The following USP9X variants were observed in gnomAD, a reference collection of about 807,000 sequenced individuals.
USP9X encodes ubiquitin specific peptidase 9 X-linked.
In USP9X, 7 loss-of-function variants were observed where a neutral mutation model predicts 190.3. That is an observed-to-expected ratio of 0.04 (90% CI 0.02 to 0.07). USP9X has a LOEUF of 0.07. Ranked by LOEUF, USP9X falls within the 10% of genes least tolerant of loss-of-function variation. The pLI, the probability that USP9X is intolerant of heterozygous loss-of-function variation, is 1.00. For missense variants in USP9X, 1,010 were observed against 1,916.9 expected (o/e 0.53, Z 8.83); for synonymous variants, 645 against 659.5 (o/e 0.98, Z 0.34).
chrX:41,208,271 C>G (rs1009930677), intron 32 of USP9X, among the ~76,000 whole-genome samples: 3 of 112,093 alleles, frequency 2.7e-5, no homozygotes, highest in Non-Finnish European at 5.6e-5. Context: ...GTGATCCACC[C>G]GCCTCAGCCT....
Position 41,167,589 on chromosome X carries a change from T to C in USP9X, c.2424+12T>C. On this transcript the variant is annotated intron_variant, in intron 17 of 44. Coordinates refer to ENST00000378308, the MANE Select transcript of USP9X (RefSeq NM_001039591.3). ...TACAAGTCAATCAGGTGAGGATTGA[T>C]GTGCATTAAAACTTCCATATATAAT... 8.8e-7 allele frequency: 1 copy of C among 1,140,175 alleles called. No individual in the cohort carries two copies. The highest frequency in any genetic ancestry group is 1.2e-6 in the Non-Finnish European group (1 of 839,400). 94.0% of individuals were successfully genotyped at this position (1,140,175 alleles called of 1,213,427 possible). A position where few individuals can be genotyped will look rare whatever the true frequency, so the allele number is the denominator to read the frequency against.
intron 18 of USP9X, 71 bp from the exon 19 acceptor site, chrX:41,169,924 A>G: frequency 8.7e-7 from 1 of 1,155,202 alleles, no homozygotes; most frequent in Non-Finnish European, 1.2e-6. Flanking sequence ...AATCCCCAGC[A>G]TTATTTTCTT....
rs913590073 is a variant in USP9X at position 41,085,611 on chromosome X, G to A, written c.-657G>A. Reference sequence around the variant, plus strand: ...CTCCCGGGCCTCGCGGGAGCCCGCCGCCGCCGCCTCTCTCTCACGGGAGGC... The same window carrying A: ...CTCCCGGGCCTCGCGGGAGCCCGCCACCGCCGCCTCTCTCTCACGGGAGGC... On this transcript the variant is annotated 5_prime_UTR_variant, in exon 1 of 45. Transcript: ENST00000378308. 2.1e-5 allele frequency: 6 copies of A among 282,138 alleles called. No individual in the cohort carries two copies. 23.3% of individuals were successfully genotyped at this position (282,138 alleles called of 1,213,427 possible).
intron 1 of USP9X, among the ~76,000 whole-genome samples, chrX:41,110,592 T>C (rs761716905): frequency 1.8e-5 from 2 of 111,676 alleles, no homozygotes; most frequent in East Asian, 5.6e-4. Context: ...CTCATGAAAT[T>C]GGGCTGATAA....
At chrX:41,215,379 T>C (rs1433768410) in intron 34 of USP9X, among the ~76,000 whole-genome samples, 2 of 112,688 alleles carry the variant, frequency 1.8e-5, no homozygotes, top group Non-Finnish European at 3.7e-5. Context: ...AAGATTGAGA[T>C]TGTGGGCTGT....
rs757981727 is a variant in USP9X at position 41,123,709 on chromosome X, C to T, written c.81C>T (p.Pro27=). ...CTCCTGATGGACAGTCTCAGCCCCC[C>T]CTCCAACAGAATCAGGTAGGATGTT... is the stretch of plus-strand genomic sequence containing the variant. The part of the protein sequence containing the change: ...GQAPDGQSQP[P]LQQNQTSSPD... Residue 27 remains proline, a synonymous_variant, in exon 2 of 45, where the codon CCC becomes CCT. Coordinates refer to ENST00000378308, the MANE Select transcript of USP9X (RefSeq NM_001039591.3). 7.4e-6 allele frequency: 9 copies of T among 1,209,341 alleles called. No individual in the cohort carries two copies. Among genetic ancestry groups the T allele is most frequent in the Non-Finnish European group, 1.0e-5 (9 of 894,810 alleles).
chrX:41,086,706 C>G (rs954650541), intron 1 of USP9X, among the ~76,000 whole-genome samples: 4 of 112,650 alleles, frequency 3.6e-5, no homozygotes, highest in African/African-American at 1.3e-4. Flanking sequence ...TTATCGGCCT[C>G]CTACACCTCC....
chrX:41,128,838 G>A (rs909025569), intron 2 of USP9X, among the ~76,000 whole-genome samples, 162 bp from the exon 3 acceptor site: 1 of 111,977 alleles, frequency 8.9e-6, no homozygotes, highest in Non-Finnish European at 1.9e-5. Context: ...GAATATTTTC[G>A]ATCCAAGGTT....
rs983990011 is a variant in USP9X at position 41,087,720 on chromosome X, T to C, written c.-159+1611T>C. ...TGTTTTATTTTCTCTAATTTAAAAA[T>C]AGGACGTTTGGACTATATGAATTCT... On this transcript the variant is annotated intron_variant, in intron 1 of 44. Coordinates refer to ENST00000378308, the MANE Select transcript of USP9X (RefSeq NM_001039591.3). Among the ~76,000 whole-genome samples, 3 of 112,294 alleles carry C rather than the reference T, an allele frequency of 2.7e-5. No individual in the cohort carries two copies. The Admixed American group carries it at 2.8e-4, about 11-fold the overall frequency.
intron 4 of USP9X, among the ~76,000 whole-genome samples, chrX:41,132,626 C>CT (rs1196546213): frequency 2.0e-3 from 209 of 106,174 alleles, no homozygotes; most frequent in Middle Eastern, 0.014. Context: ...TTCTTTCTTT[C>CT]TTTTTTTTTT....
intron 21 of USP9X, among the ~76,000 whole-genome samples, chrX:41,182,292 C>G (rs2062834014): frequency 9.0e-6 from 1 of 111,480 alleles, no homozygotes; most frequent in South Asian, 3.7e-4. Flanking sequence ...GGGAGGATCA[C>G]CTCAGCCCAG....
intron 1 of USP9X, among the ~76,000 whole-genome samples, chrX:41,093,073 C>T (rs759440122): frequency 9.0e-6 from 1 of 111,441 alleles, no homozygotes; most frequent in Non-Finnish European, 1.9e-5. Context: ...GACTGTGTTT[C>T]CCAGGCTGGT....
At chrX:41,105,994 G>A (rs1376276174) in intron 1 of USP9X, among the ~76,000 whole-genome samples, 2 of 111,768 alleles carry the variant, frequency 1.8e-5, no homozygotes, top group African/African-American at 6.5e-5. Context: ...TTATTGAGTT[G>A]TATGAATTCT....
intron 32 of USP9X, among the ~76,000 whole-genome samples, chrX:41,206,321 ATC>A (rs773201050): frequency 3.8e-4 from 43 of 112,440 alleles, no homozygotes; most frequent in African/African-American, 1.4e-3. Flanking sequence ...ATTGCTTAAT[ATC>A]AAATATCTCT....
chrX:41,129,496 T>C (rs1471822002), intron 3 of USP9X, among the ~76,000 whole-genome samples: 1 of 112,021 alleles, frequency 8.9e-6, no homozygotes, highest in Non-Finnish European at 1.9e-5. Flanking sequence ...CTGATCCTAG[T>C]GAACTCTTGA....
chrX:41,185,035 C>G (rs1453150286), intron 23 of USP9X, among the ~76,000 whole-genome samples: 1 of 112,173 alleles, frequency 8.9e-6, no homozygotes, highest in African/African-American at 3.2e-5. Flanking sequence ...CCACCTTGGG[C>G]TTAAACCCAA....
Position 41,150,192 on chromosome X carries a change from T to A in USP9X, c.1627-729T>A, listed in dbSNP as rs141707932. Among the ~76,000 whole-genome samples the A allele has an allele frequency of 4.2e-4, 47 of 110,878 alleles. No individual in the cohort carries two copies. In the East Asian group the frequency reaches 0.012, roughly 29 times the overall value. The stretch of plus-strand genomic sequence containing the variant: ...AAAACTCCACAAAATTGTTTTCCTT[T>A]CCCTGTACGCAAAAGTAAAACAATC... On this transcript the variant is annotated intron_variant, in intron 12 of 44. Transcript: ENST00000378308.
chrX:41,122,938 C>G (rs1251509818), intron 1 of USP9X, among the ~76,000 whole-genome samples: 2 of 111,237 alleles, frequency 1.8e-5, no homozygotes, highest in Non-Finnish European at 3.8e-5. Context: ...CTCTCCTTCT[C>G]TGCTGTGCTT....
At chrX:41,146,142 A>T (rs913986731) in intron 11 of USP9X, among the ~76,000 whole-genome samples, 2 of 111,865 alleles carry the variant, frequency 1.8e-5, no homozygotes, top group African/African-American at 6.5e-5. Context: ...AGAGAAGGAA[A>T]AAAAGGGGTT....
Sources: gnomAD v4.1 joint callset for allele counts (sites outside exome capture counted in the v4.1 genomes callset) on GRCh38, gnomAD v4.1.1 for gene constraint, MANE v1.5 for transcripts, NCBI Gene and HGNC (gene_info 2026-07-23, HGNC 2026-07-21) for gene names.